DACH1: variants seen among roughly 807,000 people sequenced by gnomAD.
DACH1 encodes the protein dachshund family transcription factor 1.
DACH1 carries 12 observed loss-of-function variants against 54.2 expected under a neutral mutation model. The ratio of observed to expected loss-of-function variants is 0.22; its 90% CI spans 0.14 to 0.36. The LOEUF (loss-of-function observed/expected upper bound fraction) is 0.36, where lower values mean the gene tolerates loss of function less well. Ranked by LOEUF, DACH1 falls within the 10% of genes least tolerant of loss-of-function variation. The pLI is 1.00. For synonymous variants in DACH1, 386 were observed against 366.2 expected, an observed-to-expected ratio of 1.05 and a Z score of -0.62; for missense variants, 805 against 929.8, an observed-to-expected ratio of 0.87 and a Z score of 1.75.
intron 1 of DACH1, among the ~76,000 whole-genome samples, chr13:71,848,567 C>G (rs1389915363): frequency 2.0e-5 from 3 of 151,540 alleles, no homozygotes; most frequent in Admixed American, 2.0e-4. Flanking sequence ...TTTGGAAACA[C>G]AGTCTCACTC....
At chr13:71,532,636 C>A (rs1427518022) in intron 6 of DACH1, among the ~76,000 whole-genome samples, 1 of 151,944 alleles carries the variant, frequency 6.6e-6, no homozygotes, top group Non-Finnish European at 1.5e-5. Context: ...TTTAAAGGAT[C>A]CTGGTACCTA....
At chr13:71,521,091 C>T (rs1035035809) in intron 6 of DACH1, among the ~76,000 whole-genome samples, 4 of 151,972 alleles carry the variant, frequency 2.6e-5, no homozygotes, top group Non-Finnish European at 5.9e-5. Flanking sequence ...AATTCCCAGA[C>T]CTGACTGCTA....
At chr13:71,740,331 A>G (rs1884328350) in intron 1 of DACH1, among the ~76,000 whole-genome samples, 1 of 152,128 alleles carries the variant, frequency 6.6e-6, no homozygotes, top group Admixed American at 6.6e-5. Context: ...AAAAAAAATT[A>G]CATGATTTCA....
At chr13:71,476,100 A>T (rs1877499179) in intron 8 of DACH1, among the ~76,000 whole-genome samples, 1 of 152,162 alleles carries the variant, frequency 6.6e-6, no homozygotes, top group Admixed American at 6.6e-5. Context: ...CCATATGTAA[A>T]GATAAATTTA....
intron 3 of DACH1, among the ~76,000 whole-genome samples, chr13:71,584,340 TGA>T (rs1873073309): frequency 1.3e-5 from 2 of 152,230 alleles, no homozygotes; most frequent in African/African-American, 4.8e-5. Context: ...GAGCTTCCTA[TGA>T]AGAGTTGCTT....
chr13:71,528,582 C>T lies in DACH1; in HGVS notation c.1570+28442G>A, dbSNP rs149878369. On this transcript the variant is annotated intron_variant, in intron 6 of 10. Transcript: ENST00000613252. ...AGCTGGGACTACAGGCGCCTGCCAC[C>T]ACGCCCGGCTAATGTTTCTTTCTAT... Among the ~76,000 whole-genome samples the T allele has an allele frequency of 5.4e-3, 823 of 152,066 alleles. 3 individuals are homozygous for T. Among genetic ancestry groups the T allele is most frequent in the Non-Finnish European group, 9.7e-3 (658 of 67,958 alleles).
At chr13:71,865,859 A>AGGGCAGGC in intron 1 of DACH1, 63 bp downstream of exon 1, 2 of 1,444,118 alleles carry the variant, frequency 1.4e-6, no homozygotes. Context: ...GAAAGGAGCG[A>AGGGCAGGC]GGGCAGGCGA....
chr13:71,858,791 C>A (rs1874167034), intron 1 of DACH1, among the ~76,000 whole-genome samples: 1 of 150,524 alleles, frequency 6.6e-6, no homozygotes, highest in African/African-American at 2.4e-5. Flanking sequence ...CTTTTACTTC[C>A]TGCTAGAAAA....
chr13:71,681,429 A>G (rs915403392), intron 2 of DACH1, among the ~76,000 whole-genome samples: 4 of 152,330 alleles, frequency 2.6e-5, no homozygotes, highest in South Asian at 2.1e-4. Context: ...TTTAAAATCC[A>G]AAGACTTGGG....
chr13:71,626,811 C>A (rs1876678653), intron 3 of DACH1, among the ~76,000 whole-genome samples: 1 of 151,950 alleles, frequency 6.6e-6, no homozygotes, highest in Non-Finnish European at 1.5e-5. Context: ...GGAATGAGCA[C>A]CTGCCTGCTT....
In DACH1 at chr13:71,612,237, C is replaced by A. The variant is rs572118625; in HGVS notation, c.1126+18319G>T. Among the ~76,000 whole-genome samples the A allele has an allele frequency of 2.0e-3, 303 of 152,064 alleles. 3 individuals are homozygous for A. Among genetic ancestry groups the A allele is most frequent in the African/African-American group, 6.8e-3 (284 of 41,524 alleles). ...ATGCTATAGTAGAATCCTTTCTCCT[C>A]ACTCCATAATATGGAGGTTAATTTG... On this transcript the variant is annotated intron_variant, in intron 3 of 10. Transcript: ENST00000613252.
intron 6 of DACH1, among the ~76,000 whole-genome samples, chr13:71,496,257 C>CTATG (rs1566296490): frequency 3.8e-5 from 1 of 26,242 alleles, no homozygotes; most frequent in African/African-American, 1.8e-4. Context: ...AAAAAAATTG[C>CTATG]TATGTATATA....
Position 71,745,783 on chromosome 13 carries a change from C to A in DACH1, c.849-63873G>T, listed in dbSNP as rs1242279120. Among the ~76,000 whole-genome samples, 6 of 152,118 alleles carry A rather than the reference C, an allele frequency of 3.9e-5. No individual in the cohort carries two copies. In the South Asian group the frequency reaches 1.2e-3, roughly 32 times the overall value. On this transcript the variant is annotated intron_variant, in intron 1 of 10. Transcript: ENST00000613252. Reference sequence around the variant, plus strand: ...TGCAAACAAAACGGTGTACTCAATCCCAATAAAACTGCAGGGCTTTTGCAG... The same window carrying A: ...TGCAAACAAAACGGTGTACTCAATCACAATAAAACTGCAGGGCTTTTGCAG...
intron 2 of DACH1, among the ~76,000 whole-genome samples, chr13:71,639,697 G>T (rs1468167506): frequency 6.6e-6 from 1 of 152,012 alleles, no homozygotes; most frequent in African/African-American, 2.4e-5. Context: ...ACACCATAGG[G>T]AAGTCATCTG....
chr13:71,558,504 T>C (rs1460828130), intron 5 of DACH1, among the ~76,000 whole-genome samples: 2 of 151,940 alleles, frequency 1.3e-5, no homozygotes, highest in South Asian at 4.1e-4. Context: ...TCTTCCCCCA[T>C]CTGTCCATCA....
At chr13:71,829,010 T>C (rs1401213950) in intron 1 of DACH1, among the ~76,000 whole-genome samples, 1 of 152,028 alleles carries the variant, frequency 6.6e-6, no homozygotes, top group African/African-American at 2.4e-5. Context: ...CTGAGTAAAG[T>C]TGTCTAATCT....
At chr13:71,846,879 A>G (rs1484956204) in intron 1 of DACH1, among the ~76,000 whole-genome samples, 1 of 152,162 alleles carries the variant, frequency 6.6e-6, no homozygotes, top group Non-Finnish European at 1.5e-5. Context: ...TACTTAAAAT[A>G]TTTAATATAA....
chr13:71,772,970 T>G (rs1206711185), intron 1 of DACH1, among the ~76,000 whole-genome samples: 1 of 151,802 alleles, frequency 6.6e-6, no homozygotes, highest in African/African-American at 2.4e-5. Context: ...TATGCTATAT[T>G]GAAATGCCCA....
At chr13:71,708,450 A>T (rs2138770665) in intron 1 of DACH1, among the ~76,000 whole-genome samples, 1 of 152,250 alleles carries the variant, frequency 6.6e-6, no homozygotes, top group South Asian at 2.1e-4. Context: ...GGAGAAAGAG[A>T]TTGCATGTTT....
Sources: gnomAD v4.1 joint callset for allele counts (sites outside exome capture counted in the v4.1 genomes callset) on GRCh38, gnomAD v4.1.1 for gene constraint, MANE v1.5 for transcripts, NCBI Gene and HGNC (gene_info 2026-07-23, HGNC 2026-07-21) for gene names.